KIF20B: variants seen among roughly 807,000 people sequenced by gnomAD.
The protein encoded by KIF20B is kinesin-like protein KIF20B.
A neutral mutation model predicts 232.5 loss-of-function variants in KIF20B; 188 were observed. The observed-to-expected ratio is 0.81, with a 90% confidence interval of 0.72 to 0.91. The LOEUF is 0.91. Ranked by LOEUF, KIF20B falls within the 40% of genes least tolerant of loss-of-function variation. The probability of loss-of-function intolerance (pLI) is 0.00; values close to 1 mark genes in which losing one functional copy is unlikely to be tolerated. For synonymous variants in KIF20B, 712 were observed against 683.0 expected (o/e 1.04, Z -0.66); for missense variants, 2,154 against 2,055.9 (o/e 1.05, Z -0.92).
chr10:89,707,366 T>C (rs1284560063), intron 2 of KIF20B, among the ~76,000 whole-genome samples: 1 of 152,160 alleles, frequency 6.6e-6, no homozygotes, highest in African/African-American at 2.4e-5. Context: ...CTGATTAGCA[T>C]TTTGTTAGTA....
At chr10:89,703,616 C>T (rs1011896609) in intron 1 of KIF20B, among the ~76,000 whole-genome samples, 1 of 152,186 alleles carries the variant, frequency 6.6e-6, no homozygotes, top group Non-Finnish European at 1.5e-5. Context: ...TTTTATGTGT[C>T]TGGCAAATGT....
At chr10:89,730,999 G>A (rs1281168976) in intron 18 of KIF20B, among the ~76,000 whole-genome samples, 1 of 152,122 alleles carries the variant, frequency 6.6e-6, no homozygotes, top group East Asian at 1.9e-4. Flanking sequence ...TTAAGGAAGA[G>A]GAAATTGATT....
At position 89,729,099 on chromosome 10, in the gene KIF20B, T is replaced by C. The variant is rs376956085; in HGVS notation, c.2272-29T>C. ...TTCTAGTTATCCTAAAGTATATTCA[T>C]GAAACATTGCTTTTTCTTCTTTCCA... On this transcript the variant is annotated intron_variant, in intron 17 of 32. Coordinates refer to ENST00000371728, the MANE Select transcript of KIF20B (RefSeq NM_001284259.2). 9.0e-6 allele frequency: 12 copies of C among 1,337,068 alleles called. No individual in the cohort carries two copies. The African/African-American group carries it at 1.4e-4, about 15-fold the overall frequency. The allele number at this position is 1,337,068 out of a possible 1,614,324, so 82.8% of individuals were successfully genotyped here.
intron 9 of KIF20B, among the ~76,000 whole-genome samples, chr10:89,717,041 C>A (rs1842949925): frequency 6.6e-6 from 1 of 152,174 alleles, no homozygotes; most frequent in Admixed American, 6.5e-5. Context: ...TGGGACAATA[C>A]AAGATCCGGA....
At chr10:89,724,845 C>A (rs1843145310) in intron 14 of KIF20B, among the ~76,000 whole-genome samples, 175 bp from the exon 15 acceptor site, 1 of 152,054 alleles carries the variant, frequency 6.6e-6, no homozygotes, top group Admixed American at 6.6e-5. Flanking sequence ...AAACTCCTGG[C>A]CTGAAGTGAT....
intron 23 of KIF20B, among the ~76,000 whole-genome samples, chr10:89,747,333 C>G (rs1051772847): frequency 2.0e-5 from 3 of 151,918 alleles, no homozygotes; most frequent in Non-Finnish European, 4.4e-5. Context: ...TGTGGCGATT[C>G]CTCAGGGATC....
intron 23 of KIF20B, among the ~76,000 whole-genome samples, chr10:89,750,979 T>C (rs1001455957): frequency 6.6e-6 from 1 of 152,122 alleles, no homozygotes; most frequent in Non-Finnish European, 1.5e-5. Context: ...AAAATAAGTA[T>C]TTTGCCAAAT....
At chr10:89,738,908 C>A in intron 20 of KIF20B, 50 bp from the exon 21 acceptor site, 3 of 1,562,798 alleles carry the variant, frequency 1.9e-6, no homozygotes, top group Non-Finnish European at 2.6e-6. Context: ...ATGTATGGTC[C>A]TAAGCAGTTA....
chr10:89,714,923 G>A (rs773696274), intron 7 of KIF20B, 32 bp from the exon 8 acceptor site: 29 of 1,319,172 alleles, frequency 2.2e-5, no homozygotes, highest in East Asian at 9.4e-5. Context: ...GCTTACTTTC[G>A]TGATTGTTTT....
At chr10:89,721,066 G>C (rs2133101303) in intron 13 of KIF20B, among the ~76,000 whole-genome samples, 1 of 152,270 alleles carries the variant, frequency 6.6e-6, no homozygotes, top group Non-Finnish European at 1.5e-5. Context: ...CCTCTTACCA[G>C]TGTCCTACAA....
chr10:89,752,062 A>G (rs1388053617), intron 24 of KIF20B, among the ~76,000 whole-genome samples: 1 of 152,082 alleles, frequency 6.6e-6, no homozygotes. Flanking sequence ...ACTATTGCAC[A>G]TTATTCTTTT....
intron 20 of KIF20B, 68 bp downstream of exon 20, chr10:89,738,685 A>G (rs1418946400): frequency 1.4e-6 from 2 of 1,463,432 alleles, no homozygotes; most frequent in Non-Finnish European, 1.8e-6. Context: ...CAGCTTTAAA[A>G]AAGTTAGATA....
intron 25 of KIF20B, among the ~76,000 whole-genome samples, chr10:89,753,964 C>T (rs1479021414): frequency 6.6e-6 from 1 of 151,874 alleles, no homozygotes; most frequent in African/African-American, 2.4e-5. Context: ...AAATGAAGTT[C>T]TACTTGGGTT....
intron 24 of KIF20B, among the ~76,000 whole-genome samples, chr10:89,752,267 GA>G (rs1210835754): frequency 1.3e-5 from 2 of 152,050 alleles, no homozygotes; most frequent in Non-Finnish European, 2.9e-5. Flanking sequence ...CATGGGCATA[GA>G]AAACTTTTTT....
At position 89,738,109 on chromosome 10, in the gene KIF20B, G is replaced by A. The variant is rs766927016; in HGVS notation, c.3268G>A (p.Ala1090Thr). ...GGAACAACAAATTGAAAAATTGCAG[G>A]CAGAAGTAAAAGGCTATAAGGATGA... The part of the protein sequence containing the change: ...ELEQQIEKLQ[A>T]EVKGYKDENN... The change falls in exon 20 of 33, where the codon GCA becomes ACA. Residue 1090 changes from alanine (A) to threonine (T), a missense_variant. By Grantham distance (58) the Ala-to-Thr change is moderately conservative (BLOSUM62 0). Transcript: ENST00000371728. 2.5e-6 allele frequency: 4 copies of A among 1,611,442 alleles called. No homozygotes were observed. The Admixed American group carries it at 6.7e-5, about 27-fold the overall frequency.
At chr10:89,757,065 T>C (rs61870785) in intron 26 of KIF20B, among the ~76,000 whole-genome samples, 35,717 of 135,090 alleles carry the variant, frequency 0.26, 4,939 homozygotes, top group African/African-American at 0.32. Flanking sequence ...TATATATATA[T>C]ATATACACAC....
intron 6 of KIF20B, among the ~76,000 whole-genome samples, chr10:89,713,346 G>A (rs1842870743): frequency 7.3e-6 from 1 of 136,964 alleles, no homozygotes; most frequent in African/African-American, 2.7e-5. Context: ...GGGTGACAGA[G>A]CAAGACTCTC....
In KIF20B at chr10:89,709,283, AT is replaced by A; in HGVS notation, c.234+34del. The A allele has an allele frequency of 1.9e-6, 3 of 1,590,698 alleles. No homozygotes were observed. The East Asian group carries it at 6.7e-5, about 36-fold the overall frequency. On this transcript the variant is annotated intron_variant, in intron 3 of 32. Coordinates refer to ENST00000371728, the MANE Select transcript of KIF20B (RefSeq NM_001284259.2). ...GTGTTGAATTTAATAGAATTTTAAT[AT>A]TTTACTTTCATTTAAAATGGCAAAA...
intron 6 of KIF20B, among the ~76,000 whole-genome samples, chr10:89,711,429 C>G (rs1401207203): frequency 6.6e-6 from 1 of 151,944 alleles, no homozygotes; most frequent in Non-Finnish European, 1.5e-5. Flanking sequence ...TTTTAAAATT[C>G]TGTTTTTTAA....
Sources: allele counts gnomAD v4.1 joint callset (sites outside exome capture counted in the v4.1 genomes callset), GRCh38; gene constraint gnomAD v4.1.1; transcripts MANE v1.5; gene names NCBI Gene and HGNC (gene_info 2026-07-23, HGNC 2026-07-21).